Variants in TENM4 observed in about 807,000 individuals in gnomAD.
The protein encoded by TENM4 is teneurin transmembrane protein 4, also known as teneurin-4.
In TENM4, 82 loss-of-function variants were observed where a neutral mutation model predicts 243.3. The observed-to-expected ratio is 0.34, with a 90% CI of 0.28 to 0.40. The LOEUF (loss-of-function observed/expected upper bound fraction) is 0.40. Among genes scored for constraint, TENM4 ranks in the 10% least tolerant of loss-of-function variants. TENM4 has a pLI of 1.00. For synonymous variants in TENM4, 1,412 were observed against 1,456.3 expected (o/e 0.97, Z 0.69); for missense variants, 3,138 against 3,673.3 (o/e 0.85, Z 3.77).
intron 6 of TENM4, among the ~76,000 whole-genome samples, chr11:79,001,662 G>A (rs1858332797): frequency 6.6e-6 from 1 of 152,160 alleles, no homozygotes; most frequent in Admixed American, 6.5e-5. Context: ...TAGCCTTGAG[G>A]GGGACTACTG....
At chr11:79,001,343 G>T (rs569157852) in intron 6 of TENM4, among the ~76,000 whole-genome samples, 1 of 152,242 alleles carries the variant, frequency 6.6e-6, no homozygotes, top group African/African-American at 2.4e-5. Flanking sequence ...CTGAAGGCGG[G>T]GGGAAGCTGG....
chr11:78,736,613 C>A (rs1855803786), intron 20 of TENM4, among the ~76,000 whole-genome samples: 1 of 152,110 alleles, frequency 6.6e-6, no homozygotes, highest in Admixed American at 6.5e-5. Context: ...CAGACTATAT[C>A]TCTTAGTCTT....
chr11:79,259,676 TCC>T (rs1855763161), intron 2 of TENM4, among the ~76,000 whole-genome samples: 1 of 150,942 alleles, frequency 6.6e-6, no homozygotes, highest in Non-Finnish European at 1.5e-5. Flanking sequence ...CATCCATCCA[TCC>T]ATCCATCCAT....
intron 6 of TENM4, among the ~76,000 whole-genome samples, chr11:78,958,384 C>A (rs538453128): frequency 1.3e-5 from 2 of 152,330 alleles, no homozygotes; most frequent in South Asian, 4.1e-4. Flanking sequence ...GGGACGAATA[C>A]CTACTTAATC....
At chr11:79,115,243 C>G (rs1000300961) in intron 4 of TENM4, among the ~76,000 whole-genome samples, 1 of 152,122 alleles carries the variant, frequency 6.6e-6, no homozygotes, top group African/African-American at 2.4e-5. Context: ...GTTTGCCATG[C>G]AGACACTTGG....
At chr11:78,765,212 G>T (rs1856518683) in intron 18 of TENM4, among the ~76,000 whole-genome samples, 1 of 152,186 alleles carries the variant, frequency 6.6e-6, no homozygotes, top group Non-Finnish European at 1.5e-5. Flanking sequence ...ACACACTGGG[G>T]AGAAGATTTT....
chr11:79,028,239 CATT>C (rs900498877), intron 6 of TENM4, among the ~76,000 whole-genome samples: 3 of 152,118 alleles, frequency 2.0e-5, no homozygotes, highest in Non-Finnish European at 2.9e-5. Context: ...TATGAGTTGC[CATT>C]ATTATTATAT....
chr11:79,318,900 T>C (rs1856844641), intron 1 of TENM4, among the ~76,000 whole-genome samples: 6 of 152,128 alleles, frequency 3.9e-5, no homozygotes. Flanking sequence ...AGGAAGTGGG[T>C]GATCTGACTG....
chr11:78,978,777 G>C (rs189889504), intron 6 of TENM4, among the ~76,000 whole-genome samples: 2 of 152,200 alleles, frequency 1.3e-5, no homozygotes, highest in African/African-American at 4.8e-5. Flanking sequence ...TGGAGGTTAA[G>C]GGTATTCACC....
At chr11:79,347,849 G>T (rs544757412) in intron 1 of TENM4, among the ~76,000 whole-genome samples, 3 of 135,998 alleles carry the variant, frequency 2.2e-5, no homozygotes, top group African/African-American at 5.6e-5. Flanking sequence ...GCGCAATCTC[G>T]GCTCACTGCA....
intron 6 of TENM4, among the ~76,000 whole-genome samples, chr11:78,953,752 G>A (rs564320145): frequency 1.3e-5 from 2 of 152,104 alleles, no homozygotes; most frequent in African/African-American, 2.4e-5. Flanking sequence ...TTTATATCAG[G>A]GCTTGAGCAT....
intron 12 of TENM4, among the ~76,000 whole-genome samples, chr11:78,828,070 T>G (rs1945246): frequency 0.52 from 79,458 of 152,082 alleles, 23,277 homozygotes; most frequent in African/African-American, 0.78. Context: ...GTCAACACTT[T>G]TTAAATATCA....
At chr11:79,019,549 C>T (rs1247074202) in intron 6 of TENM4, among the ~76,000 whole-genome samples, 3 of 152,194 alleles carry the variant, frequency 2.0e-5, no homozygotes, top group Admixed American at 1.3e-4. Flanking sequence ...CCAGAAAGCC[C>T]TCTAAAAGCT....
intron 4 of TENM4, among the ~76,000 whole-genome samples, chr11:79,121,465 C>T (rs961704215): frequency 2.6e-5 from 4 of 152,222 alleles, no homozygotes; most frequent in African/African-American, 7.2e-5. Context: ...TCAGGCTGTA[C>T]TGAAAAGACT....
intron 6 of TENM4, among the ~76,000 whole-genome samples, chr11:78,984,273 T>C (rs1178638305): frequency 6.6e-6 from 1 of 152,178 alleles, no homozygotes; most frequent in African/African-American, 2.4e-5. Context: ...GTATCCTAAA[T>C]GAAGCCTAGT....
At chr11:79,403,062 C>T (rs1433277386) in intron 1 of TENM4, among the ~76,000 whole-genome samples, 1 of 152,198 alleles carries the variant, frequency 6.6e-6, no homozygotes, top group Non-Finnish European at 1.5e-5. Flanking sequence ...CAAGAGGCAG[C>T]TAATAGATGC....
In TENM4 at chr11:78,827,141, T is replaced by A. The variant is rs533616717; in HGVS notation, c.1682-12746A>T. ...CTATGAAATAATGATTTGCTATATC[T>A]AACTATATTTTTCCAGTTTACTAAA... On this transcript the variant is annotated intron_variant, in intron 12 of 33. Transcript: ENST00000278550. 1.4e-4 allele frequency among the ~76,000 whole-genome samples: 21 copies of A among 152,364 alleles called. No individual in the cohort carries two copies. The South Asian group carries it at 2.7e-3, about 20-fold the overall frequency.
At chr11:78,724,573 GCTAT>G (rs1256534810) in intron 23 of TENM4, among the ~76,000 whole-genome samples, 4 of 152,174 alleles carry the variant, frequency 2.6e-5, no homozygotes, top group Admixed American at 2.0e-4. Context: ...GATATATGAT[GCTAT>G]CTCTGTCATG....
Position 79,158,743 on chromosome 11 carries a change from G to A in TENM4, c.-162-9937C>T, listed in dbSNP as rs78771945. Among the ~76,000 whole-genome samples the A allele has an allele frequency of 6.4e-3, 975 of 152,270 alleles. 11 individuals are homozygous for A. The highest frequency in any genetic ancestry group is 0.022 in the African/African-American group (922 of 41,560). On this transcript the variant is annotated intron_variant, in intron 3 of 33. Transcript: ENST00000278550. Reference sequence around the variant, plus strand: ...TTTTCTTATAGAGAAGGTATCTGAGGCTTAGGGATGTTGAATAATTTGCAC... The same window carrying A: ...TTTTCTTATAGAGAAGGTATCTGAGACTTAGGGATGTTGAATAATTTGCAC...
Sources: gnomAD v4.1 joint callset for allele counts (sites outside exome capture counted in the v4.1 genomes callset) on GRCh38, gnomAD v4.1.1 for gene constraint, MANE v1.5 for transcripts, NCBI Gene and HGNC (gene_info 2026-07-23, HGNC 2026-07-21) for gene names.